HPSE2: variants seen among roughly 807,000 people sequenced by gnomAD.
HPSE2 encodes inactive heparanase-2.
HPSE2 carries 38 observed loss-of-function variants against 60.5 expected under a neutral mutation model. The observed-to-expected ratio is 0.63, with a 90% confidence interval of 0.48 to 0.82. The LOEUF (loss-of-function observed/expected upper bound fraction) is 0.82, where lower values mean the gene tolerates loss of function less well. HPSE2 is among the 40% of genes least tolerant of loss of function. The pLI is 0.00. For missense variants in HPSE2, 713 were observed against 740.4 expected, an observed-to-expected ratio of 0.96 and a Z score of 0.43; for synonymous variants, 295 against 293.2, an observed-to-expected ratio of 1.01 and a Z score of -0.06.
chr10:99,078,491 G>A (rs1044752504), intron 3 of HPSE2, among the ~76,000 whole-genome samples: 7 of 152,002 alleles, frequency 4.6e-5, no homozygotes, highest in Admixed American at 6.5e-5. Flanking sequence ...ATATTATTTA[G>A]GGAATAATAA....
chr10:98,737,573 C>A (rs1949390198), intron 4 of HPSE2, among the ~76,000 whole-genome samples: 1 of 151,992 alleles, frequency 6.6e-6, no homozygotes, highest in Non-Finnish European at 1.5e-5. Flanking sequence ...TGCTTCTGCT[C>A]ACCCCATCAT....
chr10:98,754,864 T>C (rs77495564), intron 3 of HPSE2, among the ~76,000 whole-genome samples: 3,202 of 151,840 alleles, frequency 0.021, 128 homozygotes, highest in African/African-American at 0.074. Flanking sequence ...CTGACCTTCC[T>C]TAAAAGAGGT....
At chr10:98,976,512 G>T (rs1226037061) in intron 3 of HPSE2, among the ~76,000 whole-genome samples, 1 of 152,138 alleles carries the variant, frequency 6.6e-6, no homozygotes, top group African/African-American at 2.4e-5. Flanking sequence ...CAGGGGTGGG[G>T]ATGGGAGCTG....
chr10:99,307,832 GCACACACACA>G, the HPSE2 span, among the ~76,000 whole-genome samples: 3 of 134,422 alleles, frequency 2.2e-5, no homozygotes, highest in Non-Finnish European at 4.9e-5. Context: ...TAGTAAATGC[GCACACACACA>G]CACACACACA....
chr10:98,892,366 G>A (rs1231677088), intron 3 of HPSE2, among the ~76,000 whole-genome samples: 1 of 152,086 alleles, frequency 6.6e-6, no homozygotes, highest in East Asian at 1.9e-4. Context: ...ATTTCTAAAT[G>A]AGCTTTAGAA....
chr10:98,487,727 G>T (rs920553391), intron 10 of HPSE2, among the ~76,000 whole-genome samples: 13 of 152,270 alleles, frequency 8.5e-5, no homozygotes, highest in South Asian at 6.2e-4. Context: ...CAGAGTATTC[G>T]TCAAGGTTGA....
At chr10:99,110,709 T>C (rs916316198) in intron 3 of HPSE2, among the ~76,000 whole-genome samples, 4 of 152,128 alleles carry the variant, frequency 2.6e-5, no homozygotes, top group South Asian at 2.1e-4. Context: ...AAAAATTCTA[T>C]TGAAATTACC....
intron 3 of HPSE2, among the ~76,000 whole-genome samples, chr10:98,946,875 C>T (rs1339664657): frequency 6.6e-6 from 1 of 152,022 alleles, no homozygotes; most frequent in Non-Finnish European, 1.5e-5. Context: ...CCATGTGAGG[C>T]TAATCATCTT....
At chr10:99,308,720 G>C in the HPSE2 span, among the ~76,000 whole-genome samples, 1 of 151,902 alleles carries the variant, frequency 6.6e-6, no homozygotes, top group Non-Finnish European at 1.5e-5. Flanking sequence ...TTTAGTAGTG[G>C]CATTTCCATT....
chr10:98,901,714 T>C (rs1421770017), intron 3 of HPSE2, among the ~76,000 whole-genome samples: 1 of 152,218 alleles, frequency 6.6e-6, no homozygotes, highest in African/African-American at 2.4e-5. Context: ...ATATAACATG[T>C]GCTCTGAGAA....
At chr10:99,313,514 G>C in the HPSE2 span, among the ~76,000 whole-genome samples, 1 of 149,008 alleles carries the variant, frequency 6.7e-6, no homozygotes, top group African/African-American at 2.5e-5. Flanking sequence ...GAATATTATT[G>C]AAATGAAAAC....
intron 5 of HPSE2, among the ~76,000 whole-genome samples, chr10:98,720,041 T>C (rs1447097632): frequency 6.6e-6 from 1 of 151,768 alleles, no homozygotes; most frequent in Non-Finnish European, 1.5e-5. Flanking sequence ...GGAATCTATA[T>C]GGAAAGATTA....
intron 3 of HPSE2, among the ~76,000 whole-genome samples, chr10:98,751,248 G>A (rs989702309): frequency 2.0e-5 from 3 of 152,084 alleles, no homozygotes; most frequent in South Asian, 2.1e-4. Context: ...CATGGCTCCA[G>A]CCCTCACTTT....
At chr10:98,833,885 A>G (rs1951735693) in intron 3 of HPSE2, among the ~76,000 whole-genome samples, 1 of 152,104 alleles carries the variant, frequency 6.6e-6, no homozygotes, top group Admixed American at 6.5e-5. Flanking sequence ...AGTGTTTCAG[A>G]TGACATAACA....
chr10:99,170,543 T>A (rs1356398463), intron 2 of HPSE2, among the ~76,000 whole-genome samples: 1 of 152,180 alleles, frequency 6.6e-6, no homozygotes, highest in African/African-American at 2.4e-5. Context: ...TCTAAGGCCC[T>A]CCTCATAGTA....
chr10:99,269,439 G>A, the HPSE2 span, among the ~76,000 whole-genome samples: 1 of 152,098 alleles, frequency 6.6e-6, no homozygotes, highest in Non-Finnish European at 1.5e-5. Flanking sequence ...TAACACTGGA[G>A]CTCCCAAATT....
At chr10:98,645,599 T>C (rs947063623) in intron 6 of HPSE2, among the ~76,000 whole-genome samples, 5 of 152,214 alleles carry the variant, frequency 3.3e-5, no homozygotes, top group African/African-American at 9.6e-5. Context: ...ATTTGCAAAC[T>C]TAAACCCACA....
intron 2 of HPSE2, among the ~76,000 whole-genome samples, chr10:99,159,094 C>T (rs1049770076): frequency 5.3e-5 from 8 of 151,480 alleles, no homozygotes; most frequent in Non-Finnish European, 8.8e-5. Flanking sequence ...AATCTAAGTT[C>T]GCACTTACAA....
chr10:98,887,042 C>T (rs1953185082), intron 3 of HPSE2, among the ~76,000 whole-genome samples: 1 of 152,086 alleles, frequency 6.6e-6, no homozygotes, highest in East Asian at 1.9e-4. Context: ...AAAGGAATGC[C>T]TCAGAAGCTG....
Sources: gnomAD v4.1 joint callset for allele counts (sites outside exome capture counted in the v4.1 genomes callset) on GRCh38, gnomAD v4.1.1 for gene constraint, MANE v1.5 for transcripts, NCBI Gene and HGNC (gene_info 2026-07-23, HGNC 2026-07-21) for gene names.